The following SEZ6L variants were observed in gnomAD, a reference collection of about 807,000 sequenced individuals.
The protein encoded by SEZ6L is seizure related 6 homolog like, also known as seizure 6-like protein.
In SEZ6L, 37 loss-of-function variants were observed where a neutral mutation model predicts 106.2. The observed-to-expected ratio is 0.35, with a 90% CI of 0.27 to 0.46. The LOEUF is 0.46. SEZ6L is among the 20% of genes least tolerant of loss of function. SEZ6L has a pLI of 1.00. For missense variants in SEZ6L, 1,172 were observed against 1,332.8 expected (o/e 0.88, Z 1.88); for synonymous variants, 541 against 570.4 (o/e 0.95, Z 0.73).
chr22:26,214,869 T>A (rs576827908), intron 1 of SEZ6L, among the ~76,000 whole-genome samples: 30 of 152,166 alleles, frequency 2.0e-4, no homozygotes, highest in African/African-American at 6.7e-4. Context: ...ATCAAACTTA[T>A]AACACTGATG....
At chr22:26,227,336 G>A (rs1023138462) in intron 1 of SEZ6L, among the ~76,000 whole-genome samples, 36 of 152,292 alleles carry the variant, frequency 2.4e-4, no homozygotes, top group African/African-American at 7.7e-4. Context: ...ATGAGCTGAC[G>A]TGTAGAAAGT....
chr22:26,362,903 C>T (rs1037489492), intron 12 of SEZ6L, among the ~76,000 whole-genome samples: 4 of 152,206 alleles, frequency 2.6e-5, no homozygotes, highest in Non-Finnish European at 5.9e-5. Context: ...TGGAGGAGAT[C>T]AAAGTCCCGA....
At chr22:26,254,232 G>A (rs2079725077) in intron 1 of SEZ6L, 1 of 152,176 alleles carries the variant, frequency 6.6e-6, no homozygotes, top group Non-Finnish European at 1.5e-5. Context: ...CATGCCCTTT[G>A]ACCAAAGGAT....
At chr22:26,210,806 A>T (rs2078136146) in intron 1 of SEZ6L, among the ~76,000 whole-genome samples, 1 of 152,034 alleles carries the variant, frequency 6.6e-6, no homozygotes, top group Non-Finnish European at 1.5e-5. Flanking sequence ...TTGGCCTGGA[A>T]ATATTTTGTA....
intron 1 of SEZ6L, among the ~76,000 whole-genome samples, chr22:26,212,880 G>A (rs1259595328): frequency 1.3e-5 from 2 of 152,202 alleles, no homozygotes; most frequent in African/African-American, 4.8e-5. Flanking sequence ...AGTGGGATTA[G>A]AGTGAGAGGA....
chr22:26,252,213 A>G (rs867343715), intron 1 of SEZ6L, among the ~76,000 whole-genome samples: 91 of 152,162 alleles, frequency 6.0e-4, no homozygotes, highest in African/African-American at 2.1e-3. Context: ...AGAATGAAAA[A>G]AGGAAAGGGT....
In SEZ6L at chr22:26,373,356, GGC is replaced by G. The variant is rs2084106068; in HGVS notation, c.2795-94_2795-93del. 1.4e-5 allele frequency: 15 copies of G among 1,039,010 alleles called. No individual in the cohort carries two copies. The South Asian group carries it at 2.1e-4, about 15-fold the overall frequency. 64.4% of individuals were successfully genotyped at this position (1,039,010 alleles called of 1,614,324 possible). On this transcript the variant is annotated intron_variant, in intron 13 of 16. Coordinates refer to ENST00000248933, the MANE Select transcript of SEZ6L (RefSeq NM_021115.5). ...CATACCACTAACTTCACCAAAGCAT[GGC>G]ATGGGCTTTTGCATCAAATTTTTTG...
rs528021193 is a variant in SEZ6L, at chr22:26,300,126, T to C, written c.1348+957T>C. Reference sequence around the variant, plus strand: ...GTGTTGGCCATTTGTAGATCTTCTTTGGGGAGATGTCTAGTCAGGTCCTTT... The same window carrying C: ...GTGTTGGCCATTTGTAGATCTTCTTCGGGGAGATGTCTAGTCAGGTCCTTT... On this transcript the variant is annotated intron_variant, in intron 5 of 16. Coordinates refer to ENST00000248933, the MANE Select transcript of SEZ6L (RefSeq NM_021115.5). Among the ~76,000 whole-genome samples, 14 of 151,618 alleles carry C rather than the reference T, an allele frequency of 9.2e-5. No homozygotes were observed. The East Asian group carries it at 2.3e-3, about 25-fold the overall frequency.
chr22:26,208,768 A>G (rs1304147966), intron 1 of SEZ6L, among the ~76,000 whole-genome samples: 1 of 151,642 alleles, frequency 6.6e-6, no homozygotes, highest in East Asian at 1.9e-4. Context: ...GTTTTTCATC[A>G]AATTTGAGAA....
rs182566339 is a variant in SEZ6L at position 26,243,856 on chromosome 22, A to G, written c.95-48550A>G. On this transcript the variant is annotated intron_variant, in intron 1 of 16. Transcript: ENST00000248933. ...GCAGGGAGGCCTGGCGTGGTGGCTC[A>G]CAAGAGAAGAAAGATGAGCAGGGAG... 3.4e-3 allele frequency among the ~76,000 whole-genome samples: 510 copies of G among 151,690 alleles called. 2 individuals are homozygous for G. Among genetic ancestry groups the G allele is most frequent in the African/African-American group, 0.012 (480 of 41,394 alleles).
chr22:26,252,567 C>T (rs2079636997), intron 1 of SEZ6L, among the ~76,000 whole-genome samples: 1 of 152,136 alleles, frequency 6.6e-6, no homozygotes, highest in South Asian at 2.1e-4. Context: ...GTCTTGTCCC[C>T]CTCCCTCACT....
intron 1 of SEZ6L, among the ~76,000 whole-genome samples, chr22:26,173,839 C>T (rs1025578900): frequency 3.3e-5 from 5 of 152,134 alleles, no homozygotes; most frequent in Admixed American, 6.5e-5. Context: ...ACAGAGAGCC[C>T]GGGTCTCCTC....
At chr22:26,317,809 C>T (rs1186747901) in intron 9 of SEZ6L, among the ~76,000 whole-genome samples, 2 of 152,010 alleles carry the variant, frequency 1.3e-5, no homozygotes, top group African/African-American at 4.8e-5. Context: ...AGTTTCCTTC[C>T]TCCCTGCCCT....
At chr22:26,201,625 T>TA (rs968110214) in intron 1 of SEZ6L, among the ~76,000 whole-genome samples, 2 of 152,038 alleles carry the variant, frequency 1.3e-5, no homozygotes, top group African/African-American at 4.8e-5. Flanking sequence ...GGTGGGATGT[T>TA]AAAAAGCATA....
chr22:26,203,669 G>A (rs996010245), intron 1 of SEZ6L, among the ~76,000 whole-genome samples: 1 of 152,078 alleles, frequency 6.6e-6, no homozygotes, highest in Non-Finnish European at 1.5e-5. Flanking sequence ...CTAGAATATG[G>A]ACACTTTATT....
chr22:26,297,045 A>G lies in SEZ6L; in HGVS notation c.1127A>G (p.Asp376Gly). Reference sequence around the variant, plus strand: ...TCCGTCTACTTCCGGACCTTCCAGGACGACGGCCTTGGGACCTTCCAGCTT... The same window carrying G: ...TCCGTCTACTTCCGGACCTTCCAGGGCGACGGCCTTGGGACCTTCCAGCTT... ...TISVYFRTFQ[D>G]DGLGTFQLHY... The change falls in exon 4 of 17, where the codon GAC becomes GGC. Residue 376 changes from aspartate to glycine, a missense_variant. By Grantham distance (94) the Asp-to-Gly change is moderately conservative. Coordinates refer to ENST00000248933, the MANE Select transcript of SEZ6L (RefSeq NM_021115.5). The G allele has an allele frequency of 6.2e-7, 1 of 1,613,824 alleles. No individual in the cohort carries two copies. Among genetic ancestry groups the G allele is most frequent in the Non-Finnish European group, 8.5e-7 (1 of 1,179,866 alleles).
Position 26,255,353 on chromosome 22 carries a change from C to T in SEZ6L, c.95-37053C>T, listed in dbSNP as rs546208430. On this transcript the variant is annotated intron_variant, in intron 1 of 16. Coordinates refer to ENST00000248933, the MANE Select transcript of SEZ6L (RefSeq NM_021115.5). ...CCTAGAATAAATCACCAAAGCTTTCCTATCTGGGTGGCCTTCATAGAGAAG... is the reference window on the plus strand; with the variant it reads ...CCTAGAATAAATCACCAAAGCTTTCTTATCTGGGTGGCCTTCATAGAGAAG... 1.1e-4 allele frequency among the ~76,000 whole-genome samples: 17 copies of T among 152,300 alleles called. No individual in the cohort carries two copies. In the South Asian group the frequency reaches 3.5e-3, roughly 32 times the overall value.
intron 12 of SEZ6L, among the ~76,000 whole-genome samples, chr22:26,361,749 A>G (rs1173800186): frequency 6.6e-6 from 1 of 152,082 alleles, no homozygotes; most frequent in Admixed American, 6.6e-5. Context: ...ACAGACATAC[A>G]ACTAGGATGT....
chr22:26,174,918 A>G (rs1938874114), intron 1 of SEZ6L, among the ~76,000 whole-genome samples: 1 of 152,250 alleles, frequency 6.6e-6, no homozygotes, highest in South Asian at 2.1e-4. Context: ...AATTCTCACA[A>G]TAGCCCATGA....
Sources: allele counts gnomAD v4.1 joint callset (sites outside exome capture counted in the v4.1 genomes callset), GRCh38; gene constraint gnomAD v4.1.1; transcripts MANE v1.5; gene names NCBI Gene and HGNC (gene_info 2026-07-23, HGNC 2026-07-21).